ELMO1: variants seen among roughly 807,000 people sequenced by gnomAD.
ELMO1 encodes the protein engulfment and cell motility protein 1.
In ELMO1, 26 loss-of-function variants were observed where a neutral mutation model predicts 98.9. That is an observed-to-expected ratio of 0.26 (90% CI 0.19 to 0.36). The LOEUF is 0.36. Among genes scored for constraint, ELMO1 ranks in the 10% least tolerant of loss-of-function variants. The probability of loss-of-function intolerance (pLI) is 1.00; values close to 1 mark genes in which losing one functional copy is unlikely to be tolerated. For missense variants in ELMO1, 627 were observed against 935.2 expected (o/e 0.67, Z 4.30); for synonymous variants, 346 against 346.0 (o/e 1.00, Z 0.00).
intron 2 of ELMO1, among the ~76,000 whole-genome samples, chr7:37,317,266 T>C (rs1479111582): frequency 6.6e-6 from 1 of 152,120 alleles, no homozygotes; most frequent in Admixed American, 6.6e-5. Context: ...GTGTACGGTG[T>C]CCCTCCAGTG....
intron 13 of ELMO1, among the ~76,000 whole-genome samples, chr7:37,143,712 T>C (rs1249586268): frequency 2.4e-4 from 1 of 4,134 alleles, no homozygotes; most frequent in African/African-American, 3.6e-4. Flanking sequence ...AGCCGGTCGA[T>C]TTTTTTTTTT....
At chr7:36,903,340 CCAT>C (rs1361231943) in intron 16 of ELMO1, among the ~76,000 whole-genome samples, 1 of 152,216 alleles carries the variant, frequency 6.6e-6, no homozygotes, top group Non-Finnish European at 1.5e-5. Flanking sequence ...CCCCATTCTC[CCAT>C]CACAGTCCCA....
At chr7:37,170,824 C>A (rs1237788918) in intron 13 of ELMO1, among the ~76,000 whole-genome samples, 1 of 152,044 alleles carries the variant, frequency 6.6e-6, no homozygotes, top group African/African-American at 2.4e-5. Flanking sequence ...ACAGACTAGT[C>A]TCAAACTCAT....
intron 6 of ELMO1, among the ~76,000 whole-genome samples, chr7:37,247,690 G>A (rs1222239224): frequency 6.6e-6 from 1 of 152,096 alleles, no homozygotes; most frequent in African/African-American, 2.4e-5. Flanking sequence ...GAAAAGGAGC[G>A]AGTGAAGAAC....
intron 1 of ELMO1, among the ~76,000 whole-genome samples, chr7:37,367,559 C>T (rs1801952700): frequency 6.6e-6 from 1 of 152,188 alleles, no homozygotes; most frequent in African/African-American, 2.4e-5. Context: ...TGAAAAATAA[C>T]AGGCTACAGG....
At chr7:37,219,526 C>T (rs1004267482) in intron 10 of ELMO1, among the ~76,000 whole-genome samples, 10 of 152,148 alleles carry the variant, frequency 6.6e-5, no homozygotes, top group Non-Finnish European at 7.4e-5. Context: ...CCTGCAAATC[C>T]AGTAAATACA....
intron 2 of ELMO1, among the ~76,000 whole-genome samples, chr7:37,329,658 A>C (rs1163897525): frequency 6.6e-6 from 1 of 152,192 alleles, no homozygotes; most frequent in Admixed American, 6.5e-5. Context: ...GTCCATGAGG[A>C]ATGCAAGTCC....
intron 5 of ELMO1, among the ~76,000 whole-genome samples, chr7:37,263,958 T>C (rs766676022): frequency 6.6e-6 from 1 of 152,192 alleles, no homozygotes; most frequent in Non-Finnish European, 1.5e-5. Context: ...ACAGCATTCA[T>C]AGCCAAACAT....
At chr7:37,158,909 T>A (rs1047547995) in intron 13 of ELMO1, among the ~76,000 whole-genome samples, 1 of 152,134 alleles carries the variant, frequency 6.6e-6, no homozygotes, top group South Asian at 2.1e-4. Flanking sequence ...AACCCAAATA[T>A]CCATCAATAA....
intron 15 of ELMO1, among the ~76,000 whole-genome samples, chr7:37,050,144 C>G (rs548109948): frequency 1.3e-5 from 2 of 151,886 alleles, no homozygotes; most frequent in Non-Finnish European, 2.9e-5. Flanking sequence ...AGTGGTGCAA[C>G]CTTGGCTCAC....
intron 6 of ELMO1, among the ~76,000 whole-genome samples, chr7:37,256,170 T>C (rs1795630831): frequency 1.3e-5 from 2 of 152,164 alleles, no homozygotes; most frequent in Admixed American, 1.3e-4. Context: ...GTAACCACAC[T>C]GGATTCTGAC....
At chr7:37,375,891 C>CAG in intron 1 of ELMO1, 1 of 678,838 alleles carries the variant, frequency 1.5e-6, no homozygotes, top group South Asian at 1.5e-5. Flanking sequence ...GGGAAGCCAA[C>CAG]AGAGATACGT....
At chr7:37,447,709 A>G (rs1162912983) in intron 1 of ELMO1, among the ~76,000 whole-genome samples, 3 of 96,772 alleles carry the variant, frequency 3.1e-5, no homozygotes, top group African/African-American at 4.5e-5. Flanking sequence ...GCGCGCGCGC[A>G]CACACCACAC....
intron 18 of ELMO1, among the ~76,000 whole-genome samples, chr7:36,878,349 A>G (rs1562790671): frequency 6.6e-6 from 1 of 152,048 alleles, no homozygotes. Context: ...AAGTCATTGA[A>G]CTCTTCAAGC....
At chr7:37,221,029 T>C (rs1793566218) in intron 10 of ELMO1, among the ~76,000 whole-genome samples, 1 of 152,150 alleles carries the variant, frequency 6.6e-6, no homozygotes, top group African/African-American at 2.4e-5. Context: ...GTTCGGTATT[T>C]AGACTAAAAT....
In ELMO1 at chr7:37,244,477, G is replaced by A. The variant is rs568206197; in HGVS notation, c.414-86C>T. The A allele has an allele frequency of 2.8e-6, 4 of 1,428,710 alleles. No individual in the cohort carries two copies. In the South Asian group the frequency reaches 4.8e-5, roughly 17 times the overall value. The allele number at this position is 1,428,710 out of a possible 1,614,324, so 88.5% of individuals were successfully genotyped here. ...AGAACATATCTTGAAGAAAACTCAG[G>A]ATTAGATTTAGGACAGATTTAACTG... On this transcript the variant is annotated intron_variant, in intron 6 of 21. Coordinates refer to ENST00000310758, the MANE Select transcript of ELMO1 (RefSeq NM_014800.11).
At chr7:37,130,243 G>A (rs772675789) in intron 14 of ELMO1, among the ~76,000 whole-genome samples, 4 of 152,068 alleles carry the variant, frequency 2.6e-5, no homozygotes, top group Non-Finnish European at 5.9e-5. Flanking sequence ...TCTAGACAGT[G>A]AACTCCTCAA....
At chr7:36,974,600 C>A (rs1029457982) in intron 16 of ELMO1, among the ~76,000 whole-genome samples, 19 of 150,880 alleles carry the variant, frequency 1.3e-4, no homozygotes, top group Non-Finnish European at 2.1e-4. Flanking sequence ...AATCAGCGCC[C>A]TGTCAAAACA....
At chr7:36,939,843 T>C (rs1786873665) in intron 16 of ELMO1, among the ~76,000 whole-genome samples, 6 of 152,258 alleles carry the variant, frequency 3.9e-5, no homozygotes, top group Admixed American at 3.9e-4. Context: ...TGGAGTGGCA[T>C]CTGACCCACA....
Sources: allele counts gnomAD v4.1 joint callset (sites outside exome capture counted in the v4.1 genomes callset), GRCh38; gene constraint gnomAD v4.1.1; transcripts MANE v1.5; gene names NCBI Gene and HGNC (gene_info 2026-07-23, HGNC 2026-07-21).